The following CLASP2 variants were observed in gnomAD, a reference collection of about 807,000 sequenced individuals.
The protein encoded by CLASP2 is CLIP-associating protein 2.
In CLASP2, 47 loss-of-function variants were observed where a neutral mutation model predicts 194.4. That is an observed-to-expected ratio of 0.24 (90% CI 0.19 to 0.31). The LOEUF (loss-of-function observed/expected upper bound fraction) is 0.31, where lower values mean the gene tolerates loss of function less well. Among genes scored for constraint, CLASP2 ranks in the 10% least tolerant of loss-of-function variants. The probability of loss-of-function intolerance (pLI) is 1.00; values close to 1 mark genes in which losing one functional copy is unlikely to be tolerated. For missense variants in CLASP2, 1,445 were observed against 1,823.6 expected (o/e 0.79, Z 3.78); for synonymous variants, 619 against 633.5 (o/e 0.98, Z 0.34).
chr3:33,642,828 C>T (rs1443665883), intron 8 of CLASP2, among the ~76,000 whole-genome samples: 1 of 150,904 alleles, frequency 6.6e-6, no homozygotes, highest in African/African-American at 2.4e-5. Context: ...GGGCAATAAA[C>T]CTAAATGAGC....
At chr3:33,549,167 TG>T (rs2059617514) in intron 30 of CLASP2, among the ~76,000 whole-genome samples, 2 of 152,222 alleles carry the variant, frequency 1.3e-5, no homozygotes, top group Admixed American at 1.3e-4. Context: ...TCAATTTTGT[TG>T]ATCTTTCCAA....
chr3:33,608,365 A>G (rs548830329), intron 14 of CLASP2, among the ~76,000 whole-genome samples: 3 of 152,290 alleles, frequency 2.0e-5, no homozygotes, highest in Admixed American at 6.5e-5. Context: ...ACCCTTACCC[A>G]TCCCACAAAC....
chr3:33,554,360 G>A lies in CLASP2; in HGVS notation c.3010-2965C>T, dbSNP rs940029100. On this transcript the variant is annotated intron_variant, in intron 29 of 38. Transcript: ENST00000682230. ...AGGAAATCCTGTCATTTGTGATAACGAAGATGAACCTGGAGGACAATACCG... is the reference window on the plus strand; with the variant it reads ...AGGAAATCCTGTCATTTGTGATAACAAAGATGAACCTGGAGGACAATACCG... Among the ~76,000 whole-genome samples, 17 of 151,988 alleles carry A rather than the reference G, an allele frequency of 1.1e-4. No individual in the cohort carries two copies. In the East Asian group the frequency reaches 1.2e-3, roughly 10 times the overall value.
Position 33,543,481 on chromosome 3 carries a change from C to T in CLASP2, c.3356G>A (p.Ser1119Asn), listed in dbSNP as rs765764765. 3 of 1,613,444 alleles carry T rather than the reference C, an allele frequency of 1.9e-6. No individual in the cohort carries two copies. Among genetic ancestry groups the T allele is most frequent in the East Asian group, 2.2e-5 (1 of 44,880 alleles). Residue 1119 changes from serine (S) to asparagine (N), a missense_variant, in exon 32 of 39, where the codon AGT (serine) becomes AAT (asparagine). This residue lies in a region of CLASP2 where 732 missense variants were observed against 987.9 expected (regional missense o/e 0.74). Transcript: ENST00000682230. ...TGTATTGGTAGGAGAAGTAAGAGGA[C>T]TGGACCAGTTAGCTGGTGATCGTGG... ...PTPRSPANWS[S>N]PLTSPTNTSQ...
chr3:33,588,599 A>T, intron 21 of CLASP2: 1 of 626,912 alleles, frequency 1.6e-6, no homozygotes, highest in South Asian at 1.9e-5. Flanking sequence ...ATGACTACAA[A>T]TGATAGACTA....
At chr3:33,674,241 A>C (rs998431326) in intron 6 of CLASP2, among the ~76,000 whole-genome samples, 5 of 152,122 alleles carry the variant, frequency 3.3e-5, no homozygotes, top group Admixed American at 2.6e-4. Flanking sequence ...ATAACAAACT[A>C]TCTCTCAGAC....
intron 34 of CLASP2, among the ~76,000 whole-genome samples, chr3:33,524,723 A>G (rs1176745222): frequency 6.6e-6 from 1 of 152,226 alleles, no homozygotes; most frequent in Admixed American, 6.5e-5. Flanking sequence ...TACAACAGAT[A>G]AAGGAGGAGG....
At chr3:33,624,586 CT>C (rs909749690) in intron 10 of CLASP2, among the ~76,000 whole-genome samples, 17 of 151,982 alleles carry the variant, frequency 1.1e-4, no homozygotes, top group South Asian at 2.1e-4. Context: ...CCTATATATG[CT>C]TTTTTTTCTA....
At chr3:33,598,333 T>A (rs1480061271) in intron 18 of CLASP2, among the ~76,000 whole-genome samples, 1 of 152,044 alleles carries the variant, frequency 6.6e-6, no homozygotes, top group Non-Finnish European at 1.5e-5. Flanking sequence ...ACCTCCCCAA[T>A]CACACTCTTC....
chr3:33,667,233 G>T (rs540538041), intron 6 of CLASP2, among the ~76,000 whole-genome samples: 3 of 151,764 alleles, frequency 2.0e-5, no homozygotes, highest in African/African-American at 7.3e-5. Context: ...CCAACATGGT[G>T]AAACCCCATC....
chr3:33,685,433 G>A (rs973179513), intron 5 of CLASP2, among the ~76,000 whole-genome samples: 5 of 150,928 alleles, frequency 3.3e-5, no homozygotes, highest in Admixed American at 6.6e-5. Flanking sequence ...TTATGATCAC[G>A]GTTAATGTAT....
intron 1 of CLASP2, among the ~76,000 whole-genome samples, chr3:33,706,195 T>C (rs1476421524): frequency 6.6e-6 from 1 of 151,900 alleles, no homozygotes; most frequent in Non-Finnish European, 1.5e-5. Context: ...CTGCAGTGAG[T>C]CATGATGGTG....
At chr3:33,687,162 A>T (rs754623713) in intron 4 of CLASP2, 27 bp from the exon 5 acceptor site, 1 of 1,463,586 alleles carries the variant, frequency 6.8e-7, no homozygotes, top group African/African-American at 1.4e-5. Context: ...AAAAAAATAA[A>T]GAAAATTTGT....
intron 24 of CLASP2, chr3:33,574,364 G>A (rs1056075085): frequency 1.2e-5 from 8 of 664,026 alleles, no homozygotes; most frequent in Middle Eastern, 6.2e-4. Flanking sequence ...GTATGTCTAA[G>A]GATTTTACTT....
rs116548550 is a variant in CLASP2, at chr3:33,533,243, A to G, written c.3787+1990T>C. ...TATTCACCAATGTTACACCACTATC[A>G]TGACTAAACCTCAGAAAGACAGTCA... On this transcript the variant is annotated intron_variant, in intron 34 of 38. Transcript: ENST00000682230. Among the ~76,000 whole-genome samples, 431 of 152,318 alleles carry G rather than the reference A, an allele frequency of 2.8e-3. 1 individual carries two copies. Among genetic ancestry groups the G allele is most frequent in the African/African-American group, 9.9e-3 (411 of 41,568 alleles).
intron 1 of CLASP2, among the ~76,000 whole-genome samples, chr3:33,703,062 A>G (rs920235383): frequency 6.6e-6 from 1 of 152,232 alleles, no homozygotes; most frequent in African/African-American, 2.4e-5. Flanking sequence ...GTCTTTTTAG[A>G]TATGACACCA....
chr3:33,587,826 T>C (rs191199543), intron 21 of CLASP2, among the ~76,000 whole-genome samples: 9 of 152,216 alleles, frequency 5.9e-5, no homozygotes, highest in Admixed American at 4.6e-4. Flanking sequence ...CAATGCAAGA[T>C]AGGCCAATGG....
chr3:33,635,222 T>C (rs942553611), intron 8 of CLASP2, among the ~76,000 whole-genome samples: 3 of 151,460 alleles, frequency 2.0e-5, no homozygotes, highest in Non-Finnish European at 4.4e-5. Flanking sequence ...ACTGAGATCG[T>C]GCCACTGCAC....
At chr3:33,669,920 A>G (rs1018736282) in intron 6 of CLASP2, among the ~76,000 whole-genome samples, 1 of 152,174 alleles carries the variant, frequency 6.6e-6, no homozygotes, top group Non-Finnish European at 1.5e-5. Context: ...TATACAAGAA[A>G]GTTATTAGCA....
Sources: gnomAD v4.1 joint callset for allele counts (sites outside exome capture counted in the v4.1 genomes callset) on GRCh38, gnomAD v4.1.1 for gene constraint, gnomAD v4.1.1 regional missense constraint, MANE v1.5 for transcripts, NCBI Gene and HGNC (gene_info 2026-07-23, HGNC 2026-07-21) for gene names.